Variants in KIRREL3 observed in about 807,000 individuals in gnomAD.
KIRREL3 encodes the protein kin of IRRE-like protein 3.
A neutral mutation model predicts 89.7 loss-of-function variants in KIRREL3; 36 were observed. The observed-to-expected ratio is 0.40, with a 90% CI of 0.31 to 0.53. The LOEUF (loss-of-function observed/expected upper bound fraction) is 0.53. KIRREL3 is among the 20% of genes least tolerant of loss of function. The pLI is 0.49. For missense variants in KIRREL3, 864 were observed against 1,056.6 expected, an observed-to-expected ratio of 0.82 and a Z score of 2.53; for synonymous variants, 445 against 441.4, an observed-to-expected ratio of 1.01 and a Z score of -0.10.
intron 1 of KIRREL3, among the ~76,000 whole-genome samples, chr11:126,582,932 G>GC (rs1941635615): frequency 8.7e-6 from 1 of 114,730 alleles, no homozygotes. Context: ...GGCTTAGATA[G>GC]CCTAAGTGAC....
rs1949604499 is a variant in KIRREL3 at position 126,977,258 on chromosome 11, A to G, written c.55+23197T>C. Among the ~76,000 whole-genome samples, 2 of 151,902 alleles carry G rather than the reference A, an allele frequency of 1.3e-5. No homozygotes were observed. The highest frequency in any genetic ancestry group is 6.6e-5 in the Admixed American group (1 of 15,258). On this transcript the variant is annotated intron_variant, in intron 1 of 16. Coordinates refer to ENST00000525144, the MANE Select transcript of KIRREL3 (RefSeq NM_032531.4). The surrounding 1 kb of genome is among the most constrained non-coding windows in gnomAD (Gnocchi z 4.7). ...TTTTTTTCAAAACTGAGCTCCTTGG[A>G]GAGTGTCTGCGCAGTCAGGTTGGTT...
chr11:126,788,353 C>A lies in KIRREL3; in HGVS notation c.55+212102G>T, dbSNP rs1044778966. On this transcript the variant is annotated intron_variant, in intron 1 of 16. Coordinates refer to ENST00000525144, the MANE Select transcript of KIRREL3 (RefSeq NM_032531.4). This position sits in a 1 kb window ranked among gnomAD's most constrained non-coding sequence, Gnocchi z 4.1. ...CACTGTGCTACTCAGACAGGGTATG[C>A]AAGTTGCATTTGACATTTCTGCAGG... Among the ~76,000 whole-genome samples the A allele has an allele frequency of 6.6e-6, 1 of 152,174 alleles. No individual in the cohort carries two copies. Among genetic ancestry groups the A allele is most frequent in the Non-Finnish European group, 1.5e-5 (1 of 68,038 alleles).
intron 2 of KIRREL3, among the ~76,000 whole-genome samples, chr11:126,536,096 A>C (rs1309019103): frequency 6.6e-6 from 1 of 152,176 alleles, no homozygotes; most frequent in Non-Finnish European, 1.5e-5. Context: ...TAGGGGACAG[A>C]GTGAGACTCC....
chr11:126,743,091 G>T (rs1468759370), intron 1 of KIRREL3, among the ~76,000 whole-genome samples: 1 of 152,178 alleles, frequency 6.6e-6, no homozygotes, highest in East Asian at 1.9e-4. Flanking sequence ...ATATGGGCTT[G>T]TTTTCTGCCC....
intron 1 of KIRREL3, among the ~76,000 whole-genome samples, chr11:126,958,034 G>A (rs1433883426): frequency 6.6e-6 from 1 of 152,204 alleles, no homozygotes; most frequent in African/African-American, 2.4e-5. Flanking sequence ...TACAGATTCT[G>A]ATGAGGTCAG....
chr11:126,445,923 C>T (rs1003898767), intron 9 of KIRREL3, among the ~76,000 whole-genome samples: 7 of 152,116 alleles, frequency 4.6e-5, no homozygotes, highest in African/African-American at 1.2e-4. Context: ...CCGAGGTGGG[C>T]GGATCACCTG....
intron 1 of KIRREL3, among the ~76,000 whole-genome samples, chr11:126,818,986 T>C (rs1367336795): frequency 1.3e-5 from 2 of 152,140 alleles, no homozygotes; most frequent in East Asian, 3.9e-4. Context: ...TACATTTATT[T>C]GAACTGAAAT....
chr11:126,451,061 ATGCATGTGCATG>A (rs770980992), intron 7 of KIRREL3, among the ~76,000 whole-genome samples: 277 of 116,750 alleles, frequency 2.4e-3, no homozygotes, highest in Non-Finnish European at 2.3e-3. Flanking sequence ...GCATGTGTGC[ATGCATGTGCATG>A]TGTGTGCGTG....
intron 1 of KIRREL3, among the ~76,000 whole-genome samples, chr11:126,680,560 GAAA>G (rs1213391228): frequency 6.6e-6 from 1 of 151,872 alleles, no homozygotes; most frequent in Non-Finnish European, 1.5e-5. Context: ...TCTAGAGAGG[GAAA>G]AAAAGTCAGA....
rs1047300395 is a variant in KIRREL3 at position 126,606,532 on chromosome 11, C to T, written c.56-43620G>A. On this transcript the variant is annotated intron_variant, in intron 1 of 16. Coordinates refer to ENST00000525144, the MANE Select transcript of KIRREL3 (RefSeq NM_032531.4). The surrounding 1 kb of genome is among the most constrained non-coding windows in gnomAD (Gnocchi z 4.6). ...GGAAGTCCGGGCTCTCTGGGAACTG[C>T]CTTCCACATTTCCCCACCTTAGGGT... is the stretch of plus-strand genomic sequence containing the variant. 2.0e-5 allele frequency among the ~76,000 whole-genome samples: 3 copies of T among 152,144 alleles called. No homozygotes were observed. The highest frequency in any genetic ancestry group is 7.2e-5 in the African/African-American group (3 of 41,426).
At chr11:126,585,628 C>A (rs1018688539) in intron 1 of KIRREL3, among the ~76,000 whole-genome samples, 39 of 152,196 alleles carry the variant, frequency 2.6e-4, no homozygotes, top group African/African-American at 9.4e-4. Flanking sequence ...AGCAGCGGAC[C>A]GGATAGGAAA....
intron 1 of KIRREL3, among the ~76,000 whole-genome samples, chr11:126,671,514 A>G (rs1165358452): frequency 6.6e-6 from 1 of 151,896 alleles, no homozygotes; most frequent in Non-Finnish European, 1.5e-5. Flanking sequence ...AGGAGAAAAT[A>G]TTTGTAAATC....
rs1199310189 is a variant in KIRREL3, at chr11:126,635,619, A to T, written c.56-72707T>A. ...CCCTGCCAGCCCAGAGTAACCAGAG[A>T]TCTTGGGCCACAAGTCAGACACACC... On this transcript the variant is annotated intron_variant, in intron 1 of 16. Coordinates refer to ENST00000525144, the MANE Select transcript of KIRREL3 (RefSeq NM_032531.4). The surrounding 1 kb of genome is among the most constrained non-coding windows in gnomAD (Gnocchi z 4.0). 6.6e-6 allele frequency among the ~76,000 whole-genome samples: 1 copy of T among 152,038 alleles called. No homozygotes were observed. The highest frequency in any genetic ancestry group is 6.5e-5 in the Admixed American group (1 of 15,268).
At chr11:126,762,387 A>G (rs893630296) in intron 1 of KIRREL3, among the ~76,000 whole-genome samples, 18 of 152,150 alleles carry the variant, frequency 1.2e-4, no homozygotes, top group African/African-American at 4.3e-4. Context: ...AAAAATTCCT[A>G]GCTGTTCTTT....
Position 126,552,209 on chromosome 11 carries a change from G to C in KIRREL3, c.133+10626C>G, listed in dbSNP as rs570047534. Among the ~76,000 whole-genome samples, 17 of 152,234 alleles carry C rather than the reference G, an allele frequency of 1.1e-4. No individual in the cohort carries two copies. In the South Asian group the frequency reaches 3.5e-3, roughly 32 times the overall value. On this transcript the variant is annotated intron_variant, in intron 2 of 16. Transcript: ENST00000525144. ...CCTGCACTTTTCCACCTTTGGAAGGGACATTGGGTTCGGCCACTGTGTGGT... is the reference window on the plus strand; with the variant it reads ...CCTGCACTTTTCCACCTTTGGAAGGCACATTGGGTTCGGCCACTGTGTGGT...
In KIRREL3 at chr11:126,653,125, A is replaced by G. The variant is rs1332093348; in HGVS notation, c.56-90213T>C. On this transcript the variant is annotated intron_variant, in intron 1 of 16. Coordinates refer to ENST00000525144, the MANE Select transcript of KIRREL3 (RefSeq NM_032531.4). This position sits in a 1 kb window ranked among gnomAD's most constrained non-coding sequence, Gnocchi z 5.4. ...TTTGTAATTGTCTTGTGAGGAATAT[A>G]TGTACACAACTGAAAAGTTAAGTAA... Among the ~76,000 whole-genome samples, 1 of 152,254 alleles carries G rather than the reference A, an allele frequency of 6.6e-6. No homozygotes were observed. The highest frequency in any genetic ancestry group is 2.4e-5 in the African/African-American group (1 of 41,458).
In KIRREL3 at chr11:126,594,317, G is replaced by C. The variant is rs574454136; in HGVS notation, c.56-31405C>G. Among the ~76,000 whole-genome samples the C allele has an allele frequency of 1.8e-4, 27 of 152,174 alleles. No individual in the cohort carries two copies. The highest frequency in any genetic ancestry group is 1.6e-3 in the Admixed American group (25 of 15,298). On this transcript the variant is annotated intron_variant, in intron 1 of 16. Transcript: ENST00000525144. The surrounding 1 kb of genome is among the most constrained non-coding windows in gnomAD (Gnocchi z 5.0). ...CATGGCGTACTGTGATTTTTTTGTT[G>C]TTGCTATGGTCCTTTCTACCTGGAT...
intron 1 of KIRREL3, among the ~76,000 whole-genome samples, chr11:126,745,976 C>G (rs747638492): frequency 6.6e-6 from 1 of 152,206 alleles, no homozygotes; most frequent in Non-Finnish European, 1.5e-5. Context: ...ACTGAAGCTG[C>G]TGGCCACCCT....
chr11:126,828,670 A>G (rs1943500673), intron 1 of KIRREL3, among the ~76,000 whole-genome samples: 1 of 152,160 alleles, frequency 6.6e-6, no homozygotes, highest in Non-Finnish European at 1.5e-5. Context: ...TCTTGCACGT[A>G]GGCTCTGCAG....
Sources: allele counts gnomAD v4.1 joint callset (sites outside exome capture counted in the v4.1 genomes callset), GRCh38; gene constraint gnomAD v4.1.1; non-coding constraint Gnocchi (gnomAD v3.1); transcripts MANE v1.5; gene names NCBI Gene and HGNC (gene_info 2026-07-23, HGNC 2026-07-21).